ALKBH1: variants seen among roughly 807,000 people sequenced by gnomAD.
ALKBH1 encodes nucleic acid dioxygenase ALKBH1.
Under a neutral mutation model 36.6 loss-of-function variants are expected in ALKBH1, and 31 were observed. The observed-to-expected ratio is 0.85, with a 90% CI of 0.64 to 1.14. The LOEUF (loss-of-function observed/expected upper bound fraction) is 1.14, where lower values mean the gene tolerates loss of function less well. ALKBH1 is among the 50% of genes most tolerant of loss of function. The pLI is 0.00. For synonymous variants in ALKBH1, 183 were observed against 186.6 expected, an observed-to-expected ratio of 0.98 and a Z score of 0.16; for missense variants, 490 against 497.3, an observed-to-expected ratio of 0.99 and a Z score of 0.14.
chr14:77,678,098 A>AAG (rs2080215903), intron 4 of ALKBH1, among the ~76,000 whole-genome samples: 3 of 151,168 alleles, frequency 2.0e-5, no homozygotes, highest in African/African-American at 4.9e-5. Flanking sequence ...AAAAAAAAAA[A>AAG]AAAAAAAAAA....
chr14:77,694,774 G>A lies in ALKBH1; in HGVS notation c.419C>T (p.Thr140Ile). 1 of 1,604,758 alleles carries A rather than the reference G, an allele frequency of 6.2e-7. No individual in the cohort carries two copies. ...NLDKHMSKEE[T>I]QDLWEQSKEF... ...TTTGCTCTGTTCCCACAGATCTTGG[G>A]TCTCTTCTTTAGACATGTGTTTGTC... Residue 140 changes from threonine to isoleucine, a missense_variant, in exon 3 of 6, where the codon ACC becomes ATC. Transcript: ENST00000216489.
chr14:77,677,944 ACTTTTT>A (rs1251456699), intron 4 of ALKBH1, among the ~76,000 whole-genome samples: 1 of 151,842 alleles, frequency 6.6e-6, no homozygotes, highest in Non-Finnish European at 1.5e-5. Flanking sequence ...ATTACTCACT[ACTTTTT>A]CTTTTAAAGT....
At chr14:77,688,633 A>T in intron 3 of ALKBH1, among the ~76,000 whole-genome samples, 1 of 149,798 alleles carries the variant, frequency 6.7e-6, no homozygotes, top group African/African-American at 2.5e-5. Flanking sequence ...GCTCACTGCA[A>T]CCTCCACCTG....
chr14:77,687,809 C>T (rs1007246539), intron 3 of ALKBH1, among the ~76,000 whole-genome samples: 17 of 147,602 alleles, frequency 1.2e-4, no homozygotes, highest in African/African-American at 4.3e-4. Context: ...GGGCCAACAG[C>T]CTTCTTTTCT....
chr14:77,683,404 C>A (rs768759433), intron 3 of ALKBH1: 12 of 774,616 alleles, frequency 1.5e-5, no homozygotes, highest in Admixed American at 1.1e-4. Flanking sequence ...GTGCTCAATG[C>A]GCACATTAAT....
intron 3 of ALKBH1, among the ~76,000 whole-genome samples, chr14:77,686,284 G>A (rs2080267883): frequency 2.0e-5 from 3 of 152,160 alleles, no homozygotes. Context: ...TGAAGGGGGT[G>A]GGTTGTTCTC....
At chr14:77,676,157 G>A (rs1217588070) in intron 4 of ALKBH1, among the ~76,000 whole-genome samples, 3 of 87,120 alleles carry the variant, frequency 3.4e-5, no homozygotes, top group African/African-American at 1.2e-4. Flanking sequence ...CACCATGCCT[G>A]GCTAATTTTT....
At chr14:77,695,253 T>C (rs187118262) in intron 2 of ALKBH1, among the ~76,000 whole-genome samples, 132 of 152,350 alleles carry the variant, frequency 8.7e-4, no homozygotes, top group Admixed American at 3.1e-3. Context: ...ATTACAGGCA[T>C]GATTACACGA....
chr14:77,680,180 T>G (rs1262197537), intron 3 of ALKBH1, among the ~76,000 whole-genome samples: 1 of 152,146 alleles, frequency 6.6e-6, no homozygotes, highest in Non-Finnish European at 1.5e-5. Flanking sequence ...TCCTTTGTTC[T>G]AAATCCTCTG....
chr14:77,678,087 C>CAAAAAAAA (rs11440428), intron 4 of ALKBH1, among the ~76,000 whole-genome samples: 7 of 55,086 alleles, frequency 1.3e-4, no homozygotes, highest in South Asian at 1.1e-3. Context: ...ATATTATCAC[C>CAAAAAAAA]AAAAAAAAAA....
In ALKBH1 at chr14:77,684,740, GTCTC is replaced by G. The variant is rs993989455; in HGVS notation, c.456-4774_456-4771del. Among the ~76,000 whole-genome samples the G allele has an allele frequency of 5.3e-5, 8 of 152,244 alleles. No homozygotes were observed. The South Asian group carries it at 1.0e-3, about 20-fold the overall frequency. ...TTTTTAATTTTTTTGTAGAGACGGG[GTCTC>G]TCTATGTTGCCCAGGTGGGTCTTGA... On this transcript the variant is annotated intron_variant, in intron 3 of 5. Coordinates refer to ENST00000216489, the MANE Select transcript of ALKBH1 (RefSeq NM_006020.3).
chr14:77,694,741 AGGAACTCTTTGCTCT>A lies in ALKBH1; in HGVS notation c.437_451del (p.Gln146_Phe150del), dbSNP rs1443717991. 1 of 1,583,348 alleles carries A rather than the reference AGGAACTCTTTGCTCT, an allele frequency of 6.3e-7. No individual in the cohort carries two copies. The highest frequency in any genetic ancestry group is 1.4e-5 in the African/African-American group (1 of 73,804). On this transcript the variant is annotated inframe_deletion, in exon 3 of 6. Transcript: ENST00000216489. ...CATTCTGATTGACAAGACTTACCTC[AGGAACTCTTTGCTCT>A]GTTCCCACAGATCTTGGGTCTCTTC...
chr14:77,683,387 G>T, intron 3 of ALKBH1: 1 of 777,966 alleles, frequency 1.3e-6, no homozygotes. Flanking sequence ...CTCTTAGAGT[G>T]CTTAATGTGC....
intron 3 of ALKBH1, among the ~76,000 whole-genome samples, chr14:77,685,148 A>AT (rs2080260767): frequency 6.6e-6 from 1 of 152,200 alleles, no homozygotes; most frequent in Non-Finnish European, 1.5e-5. Context: ...TAAGAAGCCA[A>AT]AATAACATCT....
chr14:77,699,392 G>A (rs1166975574), intron 2 of ALKBH1, among the ~76,000 whole-genome samples: 1 of 152,192 alleles, frequency 6.6e-6, no homozygotes, highest in Non-Finnish European at 1.5e-5. Context: ...TAATGATAAA[G>A]TTTAATAACA....
rs11395756 is a variant in ALKBH1, at chr14:77,688,553, C to CTT, written c.455+6183_455+6184dup. On this transcript the variant is annotated intron_variant, in intron 3 of 5. Transcript: ENST00000216489. ...ACAGGTGTGAGCCACTGCACCCAGC[C>CTT]TTTTTTTTTTTTTTTTTGAGACAGA... 7.0e-3 allele frequency among the ~76,000 whole-genome samples: 883 copies of CTT among 125,932 alleles called. 12 individuals carry two copies. The highest frequency in any genetic ancestry group is 0.01 in the Non-Finnish European group (627 of 61,744). 82.6% of individuals were successfully genotyped at this position (125,932 alleles called of 152,430 possible).
chr14:77,674,040 C>A lies in ALKBH1; in HGVS notation c.942G>T (p.Pro314=), dbSNP rs746317068. Residue 314 remains proline (P), a synonymous_variant, in exon 6 of 6, where the codon CCG becomes CCT. Transcript: ENST00000216489. ...CLEAPLPAVL[P]RDSMVEPCSM... ...AACAAGGCTCTACCATTGAATCTCT[C>A]GGGAGGACAGCAGGGAGAGGTGCCT... 2 of 1,614,156 alleles carry A rather than the reference C, an allele frequency of 1.2e-6. No individual in the cohort carries two copies. Among genetic ancestry groups the A allele is most frequent in the East Asian group, 2.2e-5 (1 of 44,876 alleles).
At chr14:77,696,681 C>T (rs1358986034) in intron 2 of ALKBH1, 2 of 152,362 alleles carry the variant, frequency 1.3e-5, no homozygotes, top group Admixed American at 1.3e-4. Flanking sequence ...ACTTTACCCT[C>T]ATGAGAGCTC....
At chr14:77,687,183 C>A (rs2080272529) in intron 3 of ALKBH1, among the ~76,000 whole-genome samples, 2 of 152,200 alleles carry the variant, frequency 1.3e-5, no homozygotes, top group African/African-American at 4.8e-5. Flanking sequence ...TGAACAATTT[C>A]AACTTTCCTC....
Sources: allele counts gnomAD v4.1 joint callset (sites outside exome capture counted in the v4.1 genomes callset), GRCh38; gene constraint gnomAD v4.1.1; transcripts MANE v1.5; gene names NCBI Gene and HGNC (gene_info 2026-07-23, HGNC 2026-07-21).